The following GPR107 variants were observed in gnomAD, a reference collection of about 807,000 sequenced individuals.
The protein encoded by GPR107 is G protein-coupled receptor 107.
A neutral mutation model predicts 75.5 loss-of-function variants in GPR107; 31 were observed. The observed-to-expected ratio is 0.41, with a 90% CI of 0.31 to 0.55. GPR107 has a LOEUF of 0.55. Ranked by LOEUF, GPR107 falls within the 20% of genes least tolerant of loss-of-function variation. The probability of loss-of-function intolerance (pLI) is 0.26; values close to 1 mark genes in which losing one functional copy is unlikely to be tolerated. For synonymous variants in GPR107, 267 were observed against 251.3 expected (o/e 1.06, Z -0.59); for missense variants, 572 against 665.7 (o/e 0.86, Z 1.55).
chr9:130,060,203 C>T (rs559266855), intron 1 of GPR107, among the ~76,000 whole-genome samples: 43 of 152,058 alleles, frequency 2.8e-4, no homozygotes, highest in African/African-American at 9.9e-4. Context: ...GCTGGGATTA[C>T]AGGCACCCAC....
At chr9:130,063,597 C>A (rs943804669) in intron 1 of GPR107, among the ~76,000 whole-genome samples, 1 of 152,208 alleles carries the variant, frequency 6.6e-6, no homozygotes, top group South Asian at 2.1e-4. Flanking sequence ...ATCAAACATG[C>A]CTTTTTTAGT....
At chr9:130,117,189 G>A (rs1022508723) in intron 14 of GPR107, among the ~76,000 whole-genome samples, 11 of 152,036 alleles carry the variant, frequency 7.2e-5, no homozygotes, top group Admixed American at 3.9e-4. Flanking sequence ...TCAGGTGATC[G>A]GCGCTCCTCA....
At chr9:130,126,697 A>G (rs1831697247) in intron 15 of GPR107, among the ~76,000 whole-genome samples, 1 of 152,172 alleles carries the variant, frequency 6.6e-6, no homozygotes, top group African/African-American at 2.4e-5. Flanking sequence ...CACTTCAGAC[A>G]GTTCCTTTGC....
At chr9:130,083,684 A>T in intron 6 of GPR107, 82 bp downstream of exon 6, 1 of 717,804 alleles carries the variant, frequency 1.4e-6, no homozygotes, top group Non-Finnish European at 2.2e-6. Flanking sequence ...GTGTGTGTGT[A>T]TTGATATATA....
intron 13 of GPR107, among the ~76,000 whole-genome samples, chr9:130,106,553 T>G (rs1347713666): frequency 6.6e-6 from 1 of 151,634 alleles, no homozygotes; most frequent in Non-Finnish European, 1.5e-5. Flanking sequence ...GCCAAGATCA[T>G]GCCACTGCAC....
chr9:130,088,769 T>C (rs569316233), intron 7 of GPR107, among the ~76,000 whole-genome samples: 26 of 152,362 alleles, frequency 1.7e-4, no homozygotes, highest in African/African-American at 6.3e-4. Context: ...CCAAGGCCCA[T>C]GTGTTTAACC....
intron 1 of GPR107, among the ~76,000 whole-genome samples, chr9:130,055,337 C>T (rs1391301025): frequency 1.3e-5 from 2 of 151,642 alleles, no homozygotes; most frequent in African/African-American, 2.4e-5. Context: ...GGCGTGGTGG[C>T]AGGCGCCTGC....
chr9:130,053,954 G>C lies in GPR107; in HGVS notation c.22G>C (p.Gly8Arg), dbSNP rs539189068. 2.1e-5 allele frequency: 33 copies of C among 1,556,144 alleles called. No individual in the cohort carries two copies. In the African/African-American group the frequency reaches 3.7e-4, roughly 17 times the overall value. Residue 8 changes from glycine (G) to arginine (R), a missense_variant, in exon 1 of 18, where the codon GGC (glycine) becomes CGC (arginine). Transcript: ENST00000347136. MAALAPV[G>R]SPASRGPRLA... ...AAACATGGCCGCTCTGGCGCCCGTC[G>C]GCTCCCCCGCCTCCCGCGGTCCTAG... is the stretch of plus-strand genomic sequence containing the variant.
chr9:130,098,256 C>T (rs753459744), intron 9 of GPR107, among the ~76,000 whole-genome samples: 6 of 152,050 alleles, frequency 3.9e-5, no homozygotes, highest in Non-Finnish European at 8.8e-5. Flanking sequence ...ATTTAATGCC[C>T]GGCAGCCGAA....
At chr9:130,079,431 T>G (rs1268992222) in intron 4 of GPR107, among the ~76,000 whole-genome samples, 199 bp from the exon 5 acceptor site, 2 of 152,260 alleles carry the variant, frequency 1.3e-5, no homozygotes, top group Non-Finnish European at 2.9e-5. Context: ...GTCCAACTAC[T>G]TCCTAGCTTG....
intron 1 of GPR107, among the ~76,000 whole-genome samples, chr9:130,062,033 C>G (rs1369830588): frequency 6.6e-6 from 1 of 152,062 alleles, no homozygotes; most frequent in Non-Finnish European, 1.5e-5. Context: ...GTGTGCCACT[C>G]GGATTCTTAG....
chr9:130,104,465 G>A lies in GPR107; in HGVS notation c.1177G>A (p.Gly393Ser), dbSNP rs1831112998. The A allele has an allele frequency of 1.2e-6, 2 of 1,613,036 alleles. No individual in the cohort carries two copies. The highest frequency in any genetic ancestry group is 1.1e-5 in the South Asian group (1 of 91,064). The change falls in exon 13 of 18, where the codon GGC becomes AGC. Residue 393 changes from glycine to serine, a missense_variant. Transcript: ENST00000347136. ...CATCATCATAGAGTCCACCGAGGAGGGCACGACTGAATATGGCTTGTGGAA... is the reference window on the plus strand; with the variant it reads ...CATCATCATAGAGTCCACCGAGGAGAGCACGACTGAATATGGCTTGTGGAA... ...AYIIIESTEE[G>S]TTEYGLWKDS...
Position 130,130,856 on chromosome 9 carries a change from G to A in GPR107, c.1562+2095G>A, listed in dbSNP as rs116015813. Among the ~76,000 whole-genome samples, 775 of 136,444 alleles carry A rather than the reference G, an allele frequency of 5.7e-3. 7 individuals are homozygous for A. Among genetic ancestry groups the A allele is most frequent in the African/African-American group, 0.02 (740 of 36,144 alleles). 89.5% of individuals were successfully genotyped at this position (136,444 alleles called of 152,430 possible). ...CTGCACTCGAGCCTGGGCGATGAGA[G>A]TGAAACTCCGTCTCAAAAAAGAAAA... On this transcript the variant is annotated intron_variant, in intron 17 of 17. Transcript: ENST00000347136.
At chr9:130,072,587 A>G (rs1830236505) in intron 1 of GPR107, among the ~76,000 whole-genome samples, 1 of 152,116 alleles carries the variant, frequency 6.6e-6, no homozygotes. Flanking sequence ...GATTACTGCC[A>G]TGAGCCATCG....
intron 7 of GPR107, among the ~76,000 whole-genome samples, chr9:130,089,126 C>T (rs1165744343): frequency 1.3e-5 from 2 of 151,850 alleles, no homozygotes; most frequent in South Asian, 2.1e-4. Flanking sequence ...GCCGAGATCA[C>T]GCCACTGCAC....
intron 1 of GPR107, among the ~76,000 whole-genome samples, chr9:130,057,140 A>G (rs1829812849): frequency 6.6e-6 from 1 of 151,734 alleles, no homozygotes; most frequent in South Asian, 2.1e-4. Flanking sequence ...CAGATTAGAG[A>G]CCCATAATGG....
chr9:130,070,970 C>T (rs1217857187), intron 1 of GPR107, among the ~76,000 whole-genome samples: 5 of 151,154 alleles, frequency 3.3e-5, no homozygotes, highest in Admixed American at 3.3e-4. Flanking sequence ...CCTCCCACCT[C>T]AGCCTCCCAA....
rs575422974 is a variant in GPR107, at chr9:130,128,112, C to T, written c.1441-528C>T. Reference sequence around the variant, plus strand: ...TGCATTCTTGATTTTAGTTTTCAGTCTTAAAAGTCAAGAGAAAAGCTTCAG... The same window carrying T: ...TGCATTCTTGATTTTAGTTTTCAGTTTTAAAAGTCAAGAGAAAAGCTTCAG... On this transcript the variant is annotated intron_variant, in intron 16 of 17. Transcript: ENST00000347136. 3.9e-5 allele frequency among the ~76,000 whole-genome samples: 6 copies of T among 152,294 alleles called. No individual in the cohort carries two copies. The East Asian group carries it at 9.6e-4, about 24-fold the overall frequency.
chr9:130,074,952 G>A (rs1830307068), intron 1 of GPR107, among the ~76,000 whole-genome samples: 1 of 150,814 alleles, frequency 6.6e-6, no homozygotes, highest in South Asian at 2.1e-4. Flanking sequence ...TGTACTATCA[G>A]GAAGGATGTG....
Sources: allele counts gnomAD v4.1 joint callset (sites outside exome capture counted in the v4.1 genomes callset), GRCh38; gene constraint gnomAD v4.1.1; transcripts MANE v1.5; gene names NCBI Gene and HGNC (gene_info 2026-07-23, HGNC 2026-07-21).